The following SUPT3H variants were observed in gnomAD, a reference collection of about 807,000 sequenced individuals.
The protein encoded by SUPT3H is SPT3 homolog, SAGA and STAGA complex component.
SUPT3H carries 44 observed loss-of-function variants against 44.3 expected under a neutral mutation model. The ratio of observed to expected loss-of-function variants is 0.99; its 90% CI spans 0.78 to 1.28. SUPT3H has a LOEUF of 1.28. Ranked by LOEUF, SUPT3H falls within the 50% of genes most tolerant of loss-of-function variation. The pLI, the probability that SUPT3H is intolerant of heterozygous loss-of-function variation, is 0.00. For synonymous variants in SUPT3H, 124 were observed against 125.6 expected, an observed-to-expected ratio of 0.99 and a Z score of 0.09; for missense variants, 380 against 387.1, an observed-to-expected ratio of 0.98 and a Z score of 0.15.
intron 2 of SUPT3H, among the ~76,000 whole-genome samples, chr6:45,187,162 C>T (rs549120800): frequency 1.4e-5 from 2 of 147,852 alleles, no homozygotes; most frequent in African/African-American, 5.0e-5. Context: ...TGCCTGTAAT[C>T]CCAACACTCT....
At chr6:45,153,970 T>A (rs1386653460) in intron 2 of SUPT3H, among the ~76,000 whole-genome samples, 1 of 150,034 alleles carries the variant, frequency 6.7e-6, no homozygotes, top group Non-Finnish European at 1.5e-5. Context: ...CTCGGGAGGC[T>A]GAGGCAGGAG....
At chr6:45,178,153 G>C (rs1812360265) in intron 2 of SUPT3H, among the ~76,000 whole-genome samples, 1 of 152,128 alleles carries the variant, frequency 6.6e-6, no homozygotes, top group South Asian at 2.1e-4. Flanking sequence ...AGACCCATCA[G>C]TGTGCTGTAT....
intron 10 of SUPT3H, among the ~76,000 whole-genome samples, chr6:44,889,747 A>C (rs564799708): frequency 7.1e-4 from 108 of 152,216 alleles, no homozygotes; most frequent in South Asian, 2.5e-3. Context: ...GCAACCAAAG[A>C]CAAAATTGAC....
At chr6:45,230,555 G>T (rs1304168) in intron 2 of SUPT3H, among the ~76,000 whole-genome samples, 91,398 of 147,362 alleles carry the variant, frequency 0.62, 29,037 homozygotes, top group African/African-American at 0.76. Flanking sequence ...TGTTTGCATG[G>T]ACTATCCTTA....
intron 10 of SUPT3H, among the ~76,000 whole-genome samples, chr6:44,843,921 ACACACG>A (rs1235319942): frequency 4.6e-4 from 16 of 34,880 alleles, no homozygotes; most frequent in South Asian, 4.9e-3. Flanking sequence ...ACACACACAC[ACACACG>A]CACACACACA....
intron 10 of SUPT3H, among the ~76,000 whole-genome samples, chr6:44,849,480 G>T (rs1450594190): frequency 2.0e-5 from 3 of 151,924 alleles, no homozygotes; most frequent in African/African-American, 7.3e-5. Flanking sequence ...GCCCGCCTCG[G>T]CCTCCCAAAG....
chr6:45,157,378 A>T (rs1729350006), intron 2 of SUPT3H, among the ~76,000 whole-genome samples: 1 of 151,948 alleles, frequency 6.6e-6, no homozygotes, highest in Non-Finnish European at 1.5e-5. Context: ...GTATGACAAG[A>T]CCAGTCATTC....
rs563820284 is a variant in SUPT3H at position 44,861,282 on chromosome 6, C to T, written c.913-31425G>A. 1.1e-4 allele frequency among the ~76,000 whole-genome samples: 17 copies of T among 152,224 alleles called. No homozygotes were observed. In the East Asian group the frequency reaches 3.3e-3, roughly 29 times the overall value. On this transcript the variant is annotated intron_variant, in intron 10 of 10. Transcript: ENST00000371459. ...GTAGAGATGGGGTCTTCCTATGTTG[C>T]CCAGGCTAATCTCAAACTCCTGGGC...
chr6:45,179,865 T>G (rs1230517975), intron 2 of SUPT3H, among the ~76,000 whole-genome samples: 6 of 152,136 alleles, frequency 3.9e-5, no homozygotes, highest in East Asian at 3.9e-4. Flanking sequence ...GGAAGTTCTG[T>G]CCAGGGCAAT....
At position 45,014,830 on chromosome 6, in the gene SUPT3H, T is replaced by C; in HGVS notation, c.335A>G (p.Lys112Arg). 3.1e-6 allele frequency: 5 copies of C among 1,593,180 alleles called. No homozygotes were observed. Among genetic ancestry groups the C allele is most frequent in the Middle Eastern group, 1.7e-4 (1 of 5,982 alleles). Residue 112 changes from lysine to arginine, a missense_variant, in exon 5 of 11, where the codon AAA becomes AGA. Coordinates refer to ENST00000371459, the MANE Select transcript of SUPT3H (RefSeq NM_003599.4). Reference sequence around the variant, plus strand: ...GAGAAGATCATCCTCATCGATGCCTTTGACAATCTTTGATTTGTAGTCTCG... The same window carrying C: ...GAGAAGATCATCCTCATCGATGCCTCTGACAATCTTTGATTTGTAGTCTCG... ...FIRDYKSKIV[K>R]GIDEDDLLED...
chr6:45,355,023 A>G (rs746752851), intron 2 of SUPT3H, among the ~76,000 whole-genome samples: 2 of 152,060 alleles, frequency 1.3e-5, no homozygotes, highest in Non-Finnish European at 1.5e-5. Flanking sequence ...CACCCAGGCT[A>G]AAGTGCAGTG....
chr6:44,919,424 C>T (rs1035393077), intron 10 of SUPT3H, among the ~76,000 whole-genome samples: 1 of 151,364 alleles, frequency 6.6e-6, no homozygotes, highest in Non-Finnish European at 1.5e-5. Flanking sequence ...GTCGTATATA[C>T]AAACCCTCCC....
At chr6:45,014,745 T>C (rs905627200) in intron 5 of SUPT3H, 56 bp downstream of exon 5, 7 of 1,269,114 alleles carry the variant, frequency 5.5e-6, no homozygotes, top group African/African-American at 1.5e-5. Context: ...AAATGTGTTA[T>C]CCAGCACACA....
At chr6:45,269,172 G>C (rs748353337) in intron 2 of SUPT3H, among the ~76,000 whole-genome samples, 1 of 152,140 alleles carries the variant, frequency 6.6e-6, no homozygotes, top group African/African-American at 2.4e-5. Flanking sequence ...AACAGGTATC[G>C]TCAAATCAAA....
chr6:45,341,244 A>G (rs931413304), intron 2 of SUPT3H, among the ~76,000 whole-genome samples: 9 of 152,186 alleles, frequency 5.9e-5, no homozygotes, highest in African/African-American at 2.2e-4. Flanking sequence ...CTATGAGATT[A>G]TATTTTTCAG....
chr6:45,061,791 T>TA (rs1057259084), intron 3 of SUPT3H, among the ~76,000 whole-genome samples: 1 of 152,088 alleles, frequency 6.6e-6, no homozygotes, highest in Non-Finnish European at 1.5e-5. Context: ...AACATAATTC[T>TA]AGTCATGATA....
chr6:44,925,884 G>A (rs1769437533), intron 10 of SUPT3H, among the ~76,000 whole-genome samples: 1 of 151,994 alleles, frequency 6.6e-6, no homozygotes, highest in Non-Finnish European at 1.5e-5. Context: ...TTTAGGTTGT[G>A]AAAAAAATAT....
At chr6:44,936,641 C>T (rs1771470386) in intron 9 of SUPT3H, among the ~76,000 whole-genome samples, 1 of 152,090 alleles carries the variant, frequency 6.6e-6, no homozygotes, top group South Asian at 2.1e-4. Flanking sequence ...CCTCTAGTTC[C>T]ATCCATGTTG....
intron 5 of SUPT3H, among the ~76,000 whole-genome samples, chr6:45,009,397 T>C (rs955771072): frequency 9.2e-5 from 14 of 152,288 alleles, no homozygotes; most frequent in African/African-American, 3.4e-4. Context: ...TCCTCCAAAG[T>C]CATCAACATT....
Sources: gnomAD v4.1 joint callset for allele counts (sites outside exome capture counted in the v4.1 genomes callset) on GRCh38, gnomAD v4.1.1 for gene constraint, MANE v1.5 for transcripts, NCBI Gene and HGNC (gene_info 2026-07-23, HGNC 2026-07-21) for gene names.